The following C1orf174 variants were observed in gnomAD, a reference collection of about 807,000 sequenced individuals.
The protein encoded by C1orf174 is chromosome 1 open reading frame 174, also known as UPF0688 protein C1orf174.
C1orf174 carries 13 observed loss-of-function variants against 18.4 expected under a neutral mutation model. That is an observed-to-expected ratio of 0.71 (90% confidence interval 0.46 to 1.12). The LOEUF (loss-of-function observed/expected upper bound fraction) is 1.12, where lower values mean the gene tolerates loss of function less well. C1orf174 is among the 50% of genes most tolerant of loss of function. The pLI is 0.00. For missense variants in C1orf174, 309 were observed against 308.0 expected (o/e 1.00, Z -0.02); for synonymous variants, 100 against 118.3 (o/e 0.85, Z 1.01).
intron 1 of C1orf174, chr1:3,896,178 C>T (rs1638602822): frequency 6.5e-6 from 1 of 152,718 alleles, no homozygotes; most frequent in Middle Eastern, 3.1e-3. Flanking sequence ...CTCATCCCAC[C>T]TGTGACTGAG....
rs759599243 is a variant in C1orf174 at position 3,892,986 on chromosome 1, G to T, written c.26C>A (p.Ala9Glu). 1 of 1,613,988 alleles carries T rather than the reference G, an allele frequency of 6.2e-7. No homozygotes were observed. The highest frequency in any genetic ancestry group is 1.6e-4 in the Middle Eastern group (1 of 6,062). ...TTTCAAGCGCGCTGAAGACCGCACT[G>T]CACCTGTGAGCTAGAGAGATTGAGA... Reference protein sequence around the residue: MRSRKLTGAVRSSARLKAR... With the variant: MRSRKLTGEVRSSARLKAR... The change falls in exon 2 of 4, where the codon GCA becomes GAA. Residue 9 changes from alanine (A) to glutamate (E), a missense_variant. Physicochemically the swap from Ala to Glu is moderately radical, Grantham distance 107. Transcript: ENST00000361605.
At chr1:3,897,865 G>C (rs936046339) in intron 1 of C1orf174, among the ~76,000 whole-genome samples, 11 of 152,036 alleles carry the variant, frequency 7.2e-5, no homozygotes, top group African/African-American at 2.7e-4. Context: ...GGGTTTCACT[G>C]TGTTAGCCAG....
In C1orf174 at chr1:3,900,213, G is replaced by T; in HGVS notation, c.-27C>A. 1 of 1,564,672 alleles carries T rather than the reference G, an allele frequency of 6.4e-7. No homozygotes were observed. Among genetic ancestry groups the T allele is most frequent in the Non-Finnish European group, 8.6e-7 (1 of 1,166,592 alleles). On this transcript the variant is annotated 5_prime_UTR_variant, in exon 1 of 4. Coordinates refer to ENST00000361605, the MANE Select transcript of C1orf174 (RefSeq NM_207356.3). The stretch of plus-strand genomic sequence containing the variant: ...AGTGTGAGCACCGCAGCCAAGCACC[G>T]CGCGCCCCGGCCAACGCGTCCCGGC...
Position 3,893,004 on chromosome 1 carries a change from G to T in C1orf174, c.16-8C>A. The T allele has an allele frequency of 6.2e-7, 1 of 1,613,306 alleles. No individual in the cohort carries two copies. The highest frequency in any genetic ancestry group is 8.5e-7 in the Non-Finnish European group (1 of 1,179,628). On this transcript the variant is annotated splice_polypyrimidine_tract_variant and splice_region_variant and intron_variant, in intron 1 of 3. Coordinates refer to ENST00000361605, the MANE Select transcript of C1orf174 (RefSeq NM_207356.3). ...CCGCACTGCACCTGTGAGCTAGAGA[G>T]ATTGAGAGCCACTCAGAGAGTGCTC...
At position 3,894,286 on chromosome 1, in the gene C1orf174, G is replaced by GA. The variant is rs1022316770; in HGVS notation, c.16-1291dup. Reference sequence around the variant, plus strand: ...CAGCAGATAAGAGAAATAAAAAAAGGAAAAAAACAAAAAAATAAAACACAG... The same window carrying GA: ...CAGCAGATAAGAGAAATAAAAAAAGGAAAAAAAACAAAAAAATAAAACACAG... On this transcript the variant is annotated intron_variant, in intron 1 of 3. Coordinates refer to ENST00000361605, the MANE Select transcript of C1orf174 (RefSeq NM_207356.3). 6.6e-5 allele frequency among the ~76,000 whole-genome samples: 10 copies of GA among 151,914 alleles called. 1 individual carries two copies. The highest frequency in any genetic ancestry group is 1.9e-4 in the East Asian group (1 of 5,158).
At chr1:3,894,555 CGAG>C (rs1345243599) in intron 1 of C1orf174, among the ~76,000 whole-genome samples, 6 of 141,572 alleles carry the variant, frequency 4.2e-5, no homozygotes, top group African/African-American at 1.6e-4. Context: ...TGCAGTGAGC[CGAG>C]ATTGCGCCAC....
In C1orf174 at chr1:3,890,673, C is replaced by T; in HGVS notation, c.514G>A (p.Val172Met). Residue 172 changes from valine to methionine, a missense_variant, in exon 3 of 4, where the codon GTG becomes ATG. Coordinates refer to ENST00000361605, the MANE Select transcript of C1orf174 (RefSeq NM_207356.3). ...TCCATCTGAAGTGGTGGCTTCTGCA[C>T]ATCCTCTGTCTGTAGCCCTGGCTCA... ...QNEPGLQTED[V>M]QKPPLQMDNS... The T allele has an allele frequency of 1.2e-6, 2 of 1,614,150 alleles. No individual in the cohort carries two copies. The highest frequency in any genetic ancestry group is 8.5e-7 in the Non-Finnish European group (1 of 1,180,022).
chr1:3,891,685 G>A (rs918967551), intron 2 of C1orf174: 48 of 985,796 alleles, frequency 4.9e-5, no homozygotes, highest in Middle Eastern at 5.2e-4. Flanking sequence ...AACGGCAGAC[G>A]GCATGAGATT....
At chr1:3,891,809 C>T in intron 2 of C1orf174, 1 of 986,346 alleles carries the variant, frequency 1.0e-6, no homozygotes, top group South Asian at 4.7e-5. Flanking sequence ...CACAAGTGGC[C>T]TCAGAGCCTG....
chr1:3,893,923 C>T (rs1041710636), intron 1 of C1orf174, among the ~76,000 whole-genome samples: 4 of 152,144 alleles, frequency 2.6e-5, no homozygotes, highest in Admixed American at 2.0e-4. Context: ...TAAAATAGTA[C>T]AGGGAGTTGC....
chr1:3,893,838 A>G (rs1284330325), intron 1 of C1orf174, among the ~76,000 whole-genome samples: 1 of 152,196 alleles, frequency 6.6e-6, no homozygotes, highest in Non-Finnish European at 1.5e-5. Context: ...CTGAGGCTGT[A>G]GTGAGCTATG....
intron 1 of C1orf174, among the ~76,000 whole-genome samples, chr1:3,897,447 G>T (rs1361782481): frequency 6.6e-6 from 1 of 152,154 alleles, no homozygotes; most frequent in East Asian, 1.9e-4. Flanking sequence ...CAAACTTGAA[G>T]ACAGATCGAT....
intron 2 of C1orf174, chr1:3,891,762 G>A: frequency 1.0e-6 from 1 of 986,004 alleles, no homozygotes; most frequent in Non-Finnish European, 1.2e-6. Flanking sequence ...CAATGGGCCA[G>A]CATGACTCCA....
rs186667865 is a variant in C1orf174 at position 3,892,625 on chromosome 1, C to T, written c.129+258G>A. ...GGGTCTAGACACACACACGGGTGGG[C>T]GGGTGCTAGGATCAGAGCCCGGGTC... is the stretch of plus-strand genomic sequence containing the variant. On this transcript the variant is annotated intron_variant, in intron 2 of 3. Transcript: ENST00000361605. 14 of 979,170 alleles carry T rather than the reference C, an allele frequency of 1.4e-5. No individual in the cohort carries two copies. The African/African-American group carries it at 1.7e-4, about 12-fold the overall frequency. The allele number at this position is 979,170 out of a possible 1,614,324, so 60.7% of individuals were successfully genotyped here. A position where few individuals can be genotyped will look rare whatever the true frequency, so the allele number is the denominator to read the frequency against.
intron 1 of C1orf174, among the ~76,000 whole-genome samples, chr1:3,893,235 A>G (rs1011255706): frequency 1.3e-5 from 2 of 152,128 alleles, no homozygotes; most frequent in African/African-American, 2.4e-5. Flanking sequence ...TGTCCCCCTT[A>G]TCTTGTATAT....
Position 3,893,815 on chromosome 1 carries a change from T to G in C1orf174, c.16-819A>C, listed in dbSNP as rs539009960. On this transcript the variant is annotated intron_variant, in intron 1 of 3. Transcript: ENST00000361605. ...GGGAGGCTGAGGTGAGAGGATCACT[T>G]GATCCCAGGAGTCTGAGGCTGTAGT... is the stretch of plus-strand genomic sequence containing the variant. 4.8e-4 allele frequency among the ~76,000 whole-genome samples: 73 copies of G among 152,280 alleles called. 1 individual carries two copies. The highest frequency in any genetic ancestry group is 8.3e-4 in the South Asian group (4 of 4,828).
chr1:3,900,094 GC>G, intron 1 of C1orf174, 77 bp downstream of exon 1: 3 of 1,506,602 alleles, frequency 2.0e-6, no homozygotes, highest in Non-Finnish European at 8.8e-7. Context: ...CCGTGACCCC[GC>G]CCCGGTTCTC....
intron 2 of C1orf174, chr1:3,891,480 G>T: frequency 2.0e-6 from 1 of 509,430 alleles, no homozygotes; most frequent in Non-Finnish European, 2.6e-6. Context: ...CTGGCACACA[G>T]TAGGTGCTCA....
At chr1:3,892,637 T>C in intron 2 of C1orf174, 2 of 1,223,966 alleles carry the variant, frequency 1.6e-6, no homozygotes, top group African/African-American at 1.7e-5. Context: ...GGTGCTAGGA[T>C]CAGAGCCCGG....
Sources: gnomAD v4.1 joint callset for allele counts (sites outside exome capture counted in the v4.1 genomes callset) on GRCh38, gnomAD v4.1.1 for gene constraint, MANE v1.5 for transcripts, NCBI Gene and HGNC (gene_info 2026-07-23, HGNC 2026-07-21) for gene names.